Variants in CYP2C18 observed in about 807,000 individuals in gnomAD.
The protein encoded by CYP2C18 is cytochrome P450 2C18.
A neutral mutation model predicts 41.3 loss-of-function variants in CYP2C18; 38 were observed. The ratio of observed to expected loss-of-function variants is 0.92; its 90% CI spans 0.71 to 1.21. The LOEUF (loss-of-function observed/expected upper bound fraction) is 1.21. CYP2C18 is among the 50% of genes most tolerant of loss of function. The pLI is 0.00. For missense variants in CYP2C18, 635 were observed against 591.4 expected (o/e 1.07, Z -0.77); for synonymous variants, 236 against 210.0 (o/e 1.12, Z -1.07).
intron 5 of CYP2C18, among the ~76,000 whole-genome samples, chr10:94,716,468 C>T (rs1223923543): frequency 6.6e-6 from 1 of 152,126 alleles, no homozygotes; most frequent in Non-Finnish European, 1.5e-5. Context: ...GCAGGTTGTT[C>T]AGTTTGCATG....
intron 3 of CYP2C18, among the ~76,000 whole-genome samples, chr10:94,689,743 A>G (rs149065525): frequency 1.5e-4 from 23 of 152,274 alleles, no homozygotes; most frequent in African/African-American, 5.3e-4. Context: ...TTCTGTACAG[A>G]TGCTTGTTTT....
At chr10:94,734,326 C>G (rs1267321109) in intron 8 of CYP2C18, among the ~76,000 whole-genome samples, 1 of 152,070 alleles carries the variant, frequency 6.6e-6, no homozygotes, top group Non-Finnish European at 1.5e-5. Flanking sequence ...ATTTTTTCCT[C>G]TGGCTTTTGA....
At chr10:94,712,813 A>G (rs1458628840) in intron 5 of CYP2C18, among the ~76,000 whole-genome samples, 2 of 152,212 alleles carry the variant, frequency 1.3e-5, no homozygotes, top group Admixed American at 6.6e-5. Flanking sequence ...TCAACAGTAC[A>G]CAAGTGTTCC....
chr10:94,702,037 T>G (rs1484137173), intron 4 of CYP2C18, among the ~76,000 whole-genome samples: 1 of 152,196 alleles, frequency 6.6e-6, no homozygotes, highest in South Asian at 2.1e-4. Flanking sequence ...AAAATTCTTT[T>G]CTTTAAAAAT....
At chr10:94,713,719 T>C (rs1345305030) in intron 5 of CYP2C18, among the ~76,000 whole-genome samples, 2 of 152,314 alleles carry the variant, frequency 1.3e-5, no homozygotes, top group South Asian at 2.1e-4. Context: ...CTGGGTCCAA[T>C]GATATTTCTA....
At chr10:94,720,629 G>A in intron 6 of CYP2C18, 92 bp downstream of exon 6, 1 of 1,267,564 alleles carries the variant, frequency 7.9e-7, no homozygotes, top group East Asian at 2.4e-5. Context: ...TCTTAGAGAA[G>A]CTTCATTATT....
chr10:94,716,453 C>A (rs1018206009), intron 5 of CYP2C18, among the ~76,000 whole-genome samples: 2 of 152,180 alleles, frequency 1.3e-5, no homozygotes, highest in African/African-American at 4.8e-5. Context: ...AGTAGTCATT[C>A]AGGAGCAGGT....
chr10:94,721,234 C>A (rs1323266660), intron 6 of CYP2C18, among the ~76,000 whole-genome samples: 1 of 152,048 alleles, frequency 6.6e-6, no homozygotes, highest in African/African-American at 2.4e-5. Flanking sequence ...AGGCTAGGCT[C>A]AAACTCCTGA....
chr10:94,710,236 G>C (rs79224737), intron 5 of CYP2C18, among the ~76,000 whole-genome samples: 2 of 152,210 alleles, frequency 1.3e-5, no homozygotes, highest in African/African-American at 4.8e-5. Flanking sequence ...CTCCCAGATT[G>C]CTGGGATCAC....
chr10:94,705,350 A>T (rs906518125), intron 4 of CYP2C18, among the ~76,000 whole-genome samples: 1 of 152,110 alleles, frequency 6.6e-6, no homozygotes, highest in Admixed American at 6.6e-5. Context: ...AACACACACT[A>T]GGGCCTGTCC....
intron 1 of CYP2C18, among the ~76,000 whole-genome samples, 176 bp downstream of exon 1, chr10:94,684,163 T>A (rs940987934): frequency 6.6e-6 from 1 of 152,174 alleles, no homozygotes; most frequent in African/African-American, 2.4e-5. Flanking sequence ...AATTAGCATA[T>A]CCATCATCTC....
At chr10:94,726,777 T>G (rs979669007) in intron 7 of CYP2C18, among the ~76,000 whole-genome samples, 4 of 152,160 alleles carry the variant, frequency 2.6e-5, no homozygotes, top group Admixed American at 2.0e-4. Context: ...TAACACATGG[T>G]TTCTGTGTTT....
chr10:94,709,739 C>A (rs1249242754), intron 5 of CYP2C18, among the ~76,000 whole-genome samples: 7 of 152,160 alleles, frequency 4.6e-5, no homozygotes, highest in African/African-American at 1.7e-4. Context: ...TTAACTATTA[C>A]ATTTAGGTCT....
chr10:94,727,763 G>A (rs186057275), intron 7 of CYP2C18, among the ~76,000 whole-genome samples: 1 of 152,250 alleles, frequency 6.6e-6, no homozygotes, highest in African/African-American at 2.4e-5. Flanking sequence ...ATATATGTGT[G>A]TGTAGGTATA....
intron 4 of CYP2C18, among the ~76,000 whole-genome samples, chr10:94,705,499 G>A (rs1449686204): frequency 6.6e-6 from 1 of 152,150 alleles, no homozygotes; most frequent in Non-Finnish European, 1.5e-5. Flanking sequence ...TCCTGCACGT[G>A]CACCTTGGAG....
At chr10:94,695,327 G>A (rs747181124) in intron 4 of CYP2C18, among the ~76,000 whole-genome samples, 2 of 151,930 alleles carry the variant, frequency 1.3e-5, no homozygotes, top group Non-Finnish European at 2.9e-5. Flanking sequence ...GGTGTGTGAT[G>A]TTCCCCTCCC....
intron 6 of CYP2C18, among the ~76,000 whole-genome samples, chr10:94,720,939 A>G (rs763777153): frequency 2.6e-5 from 4 of 152,136 alleles, no homozygotes; most frequent in Non-Finnish European, 5.9e-5. Context: ...ATTTTATTTC[A>G]CTAAAAGCCA....
chr10:94,691,596 ACC>A (rs1346502221), intron 3 of CYP2C18, among the ~76,000 whole-genome samples: 1 of 152,146 alleles, frequency 6.6e-6, no homozygotes, highest in Non-Finnish European at 1.5e-5. Context: ...TGGCCATACC[ACC>A]CAAGGTAATT....
intron 5 of CYP2C18, among the ~76,000 whole-genome samples, chr10:94,708,880 G>C (rs765144341): frequency 2.7e-4 from 41 of 152,096 alleles, no homozygotes; most frequent in Non-Finnish European, 5.6e-4. Context: ...TGTTTTCAAG[G>C]TTCATTGACA....
Sources: gnomAD v4.1 joint callset for allele counts (sites outside exome capture counted in the v4.1 genomes callset) on GRCh38, gnomAD v4.1.1 for gene constraint, MANE v1.5 for transcripts, NCBI Gene and HGNC (gene_info 2026-07-23, HGNC 2026-07-21) for gene names.